Variants in MAP4 observed in about 807,000 individuals in gnomAD.
MAP4 encodes the protein microtubule-associated protein 4.
In MAP4, 76 loss-of-function variants were observed where a neutral mutation model predicts 170.2. The observed-to-expected ratio is 0.45, with a 90% CI of 0.37 to 0.54. The LOEUF (loss-of-function observed/expected upper bound fraction) is 0.54, where lower values mean the gene tolerates loss of function less well. Ranked by LOEUF, MAP4 falls within the 20% of genes least tolerant of loss-of-function variation. The pLI is 0.00. For missense variants in MAP4, 2,506 were observed against 2,748.0 expected (o/e 0.91, Z 1.97); for synonymous variants, 909 against 994.5 (o/e 0.91, Z 1.62).
At chr3:47,928,675 T>G (rs553758766) in intron 3 of MAP4, among the ~76,000 whole-genome samples, 68 of 151,946 alleles carry the variant, frequency 4.5e-4, no homozygotes, top group African/African-American at 1.6e-3. Context: ...AAAAAAAATT[T>G]TAGATAGAAG....
chr3:48,060,643 G>C (rs531094155), intron 1 of MAP4, among the ~76,000 whole-genome samples: 355 of 152,130 alleles, frequency 2.3e-3, no homozygotes, highest in Non-Finnish European at 3.6e-3. Flanking sequence ...GCCAGGCGCA[G>C]TGGCTCACGC....
chr3:47,972,942 C>A (rs2100079652), intron 3 of MAP4: 2 of 776,440 alleles, frequency 2.6e-6, no homozygotes, highest in Non-Finnish European at 3.1e-6. Flanking sequence ...TTGACAAAAA[C>A]TTAAAAGTCC....
In MAP4 at chr3:47,910,201, TAGGCCATTCCTTCAA is replaced by T; in HGVS notation, c.4205_4219del (p.Ile1402_Tyr1407delinsAsn). ...TGTAATATTTCTATTTTCGTCCATA[TAGGCCATTCCTTCAA>T]TTCCCTGGTCCCCTGTGGTTTCCAT... is the stretch of plus-strand genomic sequence containing the variant. On this transcript the variant is annotated inframe_deletion, in exon 9 of 21. Transcript: ENST00000683076. 1 of 1,613,244 alleles carries T rather than the reference TAGGCCATTCCTTCAA, an allele frequency of 6.2e-7. No homozygotes were observed. Among genetic ancestry groups the T allele is most frequent in the African/African-American group, 1.3e-5 (1 of 75,060 alleles).
chr3:48,028,046 CT>C (rs2100114014), intron 1 of MAP4, among the ~76,000 whole-genome samples: 1 of 152,212 alleles, frequency 6.6e-6, no homozygotes, highest in South Asian at 2.1e-4. Context: ...AATCCCAGTA[CT>C]TTGGGAGGCC....
rs1211077151 is a variant in MAP4 at position 47,913,057 on chromosome 3, T to C, written c.2000-636A>G. Among the ~76,000 whole-genome samples, 3 of 152,180 alleles carry C rather than the reference T, an allele frequency of 2.0e-5. No individual in the cohort carries two copies. In the South Asian group the frequency reaches 6.2e-4, roughly 32 times the overall value. ...AGAGCATCCTACTTTGAAAGACAAA[T>C]ATGTTAAATTTCAACATTCTGCTCC... On this transcript the variant is annotated intron_variant, in intron 8 of 20. Transcript: ENST00000683076.
In MAP4 at chr3:47,871,969, T is replaced by A; in HGVS notation, c.5889A>T (p.Ser1963=). The change falls in exon 13 of 21, where the codon TCA becomes TCT. Residue 1963 remains serine (S), a synonymous_variant. Coordinates refer to ENST00000683076, the MANE Select transcript of MAP4 (RefSeq NM_001385682.1). ...AKTTTAAAVA[S]TGPSSRSPST... is the part of the protein sequence containing the mutation. Reference sequence around the variant, plus strand: ...AGGGGCTCCTACTGCTTGGGCCAGTTGAGGCAACAGCAGCAGCTGTTGTGG... The same window carrying A: ...AGGGGCTCCTACTGCTTGGGCCAGTAGAGGCAACAGCAGCAGCTGTTGTGG... 6.2e-7 allele frequency: 1 copy of A among 1,613,938 alleles called. No individual in the cohort carries two copies. The highest frequency in any genetic ancestry group is 8.5e-7 in the Non-Finnish European group (1 of 1,179,910).
intron 3 of MAP4, among the ~76,000 whole-genome samples, chr3:47,959,790 G>C (rs1578345343): frequency 6.6e-6 from 1 of 151,338 alleles, no homozygotes; most frequent in Middle Eastern, 3.4e-3. Context: ...TATACATGAA[G>C]AACATTTTGC....
chr3:47,864,412 C>A (rs1249215485), intron 17 of MAP4, among the ~76,000 whole-genome samples: 1 of 152,058 alleles, frequency 6.6e-6, no homozygotes, highest in Non-Finnish European at 1.5e-5. Context: ...TGCGGTGGCT[C>A]ATGCCTGTAA....
At chr3:47,930,571 A>C (rs556597104) in intron 3 of MAP4, among the ~76,000 whole-genome samples, 20 of 152,240 alleles carry the variant, frequency 1.3e-4, no homozygotes, top group Non-Finnish European at 2.8e-4. Context: ...AAATCTGATA[A>C]AAGATTTGTA....
chr3:47,940,939 G>T (rs889512875), intron 3 of MAP4, among the ~76,000 whole-genome samples: 1 of 151,944 alleles, frequency 6.6e-6, no homozygotes, highest in African/African-American at 2.4e-5. Flanking sequence ...GTGCAATGGT[G>T]CAATCTCGGC....
At chr3:47,971,249 A>C (rs1054179012) in intron 3 of MAP4, among the ~76,000 whole-genome samples, 12 of 152,200 alleles carry the variant, frequency 7.9e-5, no homozygotes, top group Non-Finnish European at 1.5e-5. Context: ...ATAGCAACAT[A>C]ATGTGCAGCT....
intron 2 of MAP4, among the ~76,000 whole-genome samples, chr3:47,988,968 G>A (rs545013559): frequency 9.9e-5 from 15 of 152,152 alleles, no homozygotes; most frequent in East Asian, 3.9e-4. Context: ...GCACCACCAC[G>A]CCTGGCTAAT....
chr3:47,856,713 C>T (rs143883246), intron 18 of MAP4, among the ~76,000 whole-genome samples: 5 of 152,356 alleles, frequency 3.3e-5, no homozygotes, highest in Admixed American at 2.6e-4. Flanking sequence ...AGGCATGAGA[C>T]ACCGCGCCCG....
chr3:47,898,280 G>A (rs1577261134), intron 10 of MAP4, among the ~76,000 whole-genome samples: 1 of 152,158 alleles, frequency 6.6e-6, no homozygotes, highest in Non-Finnish European at 1.5e-5. Flanking sequence ...GAGGCAGGTG[G>A]ATCATGAGGT....
chr3:47,868,036 T>A (rs763149728), intron 16 of MAP4, among the ~76,000 whole-genome samples: 1 of 152,188 alleles, frequency 6.6e-6, no homozygotes, highest in Non-Finnish European at 1.5e-5. Flanking sequence ...CCTTCTTGAA[T>A]CCTCCATATG....
At position 47,916,131 on chromosome 3, in the gene MAP4, G is replaced by C; in HGVS notation, c.1696C>G (p.Leu566Val). 2 of 1,614,230 alleles carry C rather than the reference G, an allele frequency of 1.2e-6. No individual in the cohort carries two copies. Among genetic ancestry groups the C allele is most frequent in the Non-Finnish European group, 1.7e-6 (2 of 1,180,042 alleles). ...APLAKDGVLT[L>V]ANNVTPAKDV... is the part of the protein sequence containing the mutation. ...TTGGCTGGAGTCACATTGTTGGCCA[G>C]GGTCAGAACCCCATCCTTAGCCAGG... Residue 566 changes from leucine (L) to valine (V), a missense_variant, in exon 7 of 21, where the codon CTG becomes GTG. This residue lies in a region of MAP4 where 2,008 missense variants were observed against 2,206.0 expected (regional missense o/e 0.91). Coordinates refer to ENST00000683076, the MANE Select transcript of MAP4 (RefSeq NM_001385682.1).
Position 47,909,498 on chromosome 3 carries a change from A to G in MAP4, c.4923T>C (p.Ala1641=), listed in dbSNP as rs545518222. 45 of 1,613,550 alleles carry G rather than the reference A, an allele frequency of 2.8e-5. No homozygotes were observed. The South Asian group carries it at 4.9e-4, about 18-fold the overall frequency. ...QKLSFCEDQN[A]QDRNSKGSDS... ...CTGAACCTTTGGAATTTCTATCTTG[A>G]GCATTTTGGTCCTCACAAAAACTGA... Residue 1641 remains alanine (A), a synonymous_variant, in exon 9 of 21, where the codon GCT becomes GCC. Transcript: ENST00000683076.
In MAP4 at chr3:47,911,560, T is replaced by C. The variant is rs551504347; in HGVS notation, c.2861A>G (p.Gln954Arg). The C allele has an allele frequency of 3.3e-6, 5 of 1,536,124 alleles. No individual in the cohort carries two copies. The highest frequency in any genetic ancestry group is 4.4e-6 in the Non-Finnish European group (5 of 1,146,904). ...TTTTGAAACTACACCCATAACCTCT[T>C]GGTCCAAGAAAGGAGAGCAACCCTC... ...LKEGCSPFLD[Q>R]EVMGVVSKPT... The change falls in exon 9 of 21, where the codon CAA (glutamine) becomes CGA (arginine). Residue 954 changes from glutamine (Q) to arginine (R), a missense_variant. Transcript: ENST00000683076. The surrounding 1 kb of genome is among the most constrained non-coding windows in gnomAD (Gnocchi z 4.0).
At chr3:48,073,360 C>T (rs2100142012) in intron 1 of MAP4, among the ~76,000 whole-genome samples, 1 of 151,090 alleles carries the variant, frequency 6.6e-6, no homozygotes, top group Non-Finnish European at 1.5e-5. Flanking sequence ...CCTGTAATCC[C>T]AGCACTTAGG....
Sources: allele counts gnomAD v4.1 joint callset (sites outside exome capture counted in the v4.1 genomes callset), GRCh38; gene constraint gnomAD v4.1.1; regional missense constraint gnomAD v4.1.1; non-coding constraint Gnocchi (gnomAD v3.1); transcripts MANE v1.5; gene names NCBI Gene and HGNC (gene_info 2026-07-23, HGNC 2026-07-21).